The following AGMO variants were observed in gnomAD, a reference collection of about 807,000 sequenced individuals.
The protein encoded by AGMO is glyceryl-ether monooxygenase.
In AGMO, 75 loss-of-function variants were observed where a neutral mutation model predicts 60.2. That is an observed-to-expected ratio of 1.25 (90% CI 1.03 to 1.51). The LOEUF is 1.51. Among genes scored for constraint, AGMO ranks in the 40% most tolerant of loss-of-function variants. AGMO has a pLI of 0.00. For missense variants in AGMO, 763 were observed against 525.5 expected (o/e 1.45, Z -4.42); for synonymous variants, 261 against 177.1 (o/e 1.47, Z -3.76).
the AGMO span, among the ~76,000 whole-genome samples, chr7:15,148,748 G>C: frequency 6.6e-6 from 1 of 152,102 alleles, no homozygotes. Context: ...CTGATTCCAT[G>C]TCTTTGCTAT....
chr7:15,167,482 T>C, the AGMO span, among the ~76,000 whole-genome samples: 1 of 152,078 alleles, frequency 6.6e-6, no homozygotes, highest in Non-Finnish European at 1.5e-5. Flanking sequence ...AAAAACCAGG[T>C]GACTACATTA....
chr7:15,222,870 A>G (rs1468384662), intron 12 of AGMO, among the ~76,000 whole-genome samples: 1 of 152,012 alleles, frequency 6.6e-6, no homozygotes, highest in Non-Finnish European at 1.5e-5. Context: ...TTTCCCCAAC[A>G]TGCGTAACAA....
At chr7:15,257,506 T>C (rs1454089713) in intron 12 of AGMO, among the ~76,000 whole-genome samples, 21 of 152,214 alleles carry the variant, frequency 1.4e-4, no homozygotes, top group Admixed American at 1.4e-3. Context: ...TCAACTTTCC[T>C]AATTGTAAAT....
the AGMO span, among the ~76,000 whole-genome samples, chr7:15,165,889 G>A: frequency 5.3e-4 from 80 of 152,116 alleles, no homozygotes; most frequent in Middle Eastern, 6.8e-3. Flanking sequence ...ATTAATTGAA[G>A]AATTTATTGT....
chr7:15,513,790 G>T (rs1783738728), intron 3 of AGMO, among the ~76,000 whole-genome samples: 1 of 152,150 alleles, frequency 6.6e-6, no homozygotes, highest in Non-Finnish European at 1.5e-5. Flanking sequence ...ATTGCTAAAG[G>T]AGGAATCTCT....
At chr7:15,177,124 T>C in the AGMO span, among the ~76,000 whole-genome samples, 2 of 151,972 alleles carry the variant, frequency 1.3e-5, no homozygotes, top group Non-Finnish European at 2.9e-5. Flanking sequence ...TTTAAAAACA[T>C]TTTTTTTGGA....
At chr7:15,550,532 C>A (rs1214830135) in intron 2 of AGMO, among the ~76,000 whole-genome samples, 1 of 151,984 alleles carries the variant, frequency 6.6e-6, no homozygotes, top group Non-Finnish European at 1.5e-5. Flanking sequence ...GAGAATACTA[C>A]AAACACCTCT....
intron 12 of AGMO, among the ~76,000 whole-genome samples, chr7:15,347,438 A>G (rs1782073385): frequency 6.6e-6 from 1 of 152,102 alleles, no homozygotes; most frequent in Non-Finnish European, 1.5e-5. Flanking sequence ...TCTTTAATCC[A>G]TGATAGAAAG....
At chr7:15,265,022 G>C (rs1194790887) in intron 12 of AGMO, among the ~76,000 whole-genome samples, 1 of 151,970 alleles carries the variant, frequency 6.6e-6, no homozygotes, top group African/African-American at 2.4e-5. Context: ...CAAAGACATG[G>C]AATAAACCTA....
chr7:15,158,101 G>A, the AGMO span, among the ~76,000 whole-genome samples: 2 of 152,072 alleles, frequency 1.3e-5, no homozygotes, highest in African/African-American at 2.4e-5. Context: ...TATAATTGAG[G>A]ATGGATTATA....
intron 12 of AGMO, among the ~76,000 whole-genome samples, chr7:15,355,066 T>C (rs1323752677): frequency 2.6e-5 from 4 of 152,092 alleles, no homozygotes; most frequent in Non-Finnish European, 4.4e-5. Flanking sequence ...ACCATGGACA[T>C]AGATTTTCCA....
At chr7:15,341,624 G>C (rs1367146939) in intron 12 of AGMO, among the ~76,000 whole-genome samples, 2 of 152,032 alleles carry the variant, frequency 1.3e-5, no homozygotes, top group African/African-American at 4.8e-5. Flanking sequence ...ACATTTTCAG[G>C]TACTTTTACA....
intron 3 of AGMO, among the ~76,000 whole-genome samples, chr7:15,483,524 C>A (rs1204529981): frequency 6.6e-6 from 1 of 152,080 alleles, no homozygotes; most frequent in Non-Finnish European, 1.5e-5. Context: ...CGCGATAGAT[C>A]GTGCTACTGC....
intron 12 of AGMO, among the ~76,000 whole-genome samples, chr7:15,318,095 T>C (rs762114768): frequency 6.6e-6 from 1 of 151,490 alleles, no homozygotes; most frequent in Non-Finnish European, 1.5e-5. Flanking sequence ...AATCTCTGCC[T>C]CTGGGGTTCA....
At chr7:15,292,841 T>C (rs1224629400) in intron 12 of AGMO, among the ~76,000 whole-genome samples, 1 of 133,742 alleles carries the variant, frequency 7.5e-6, no homozygotes, top group African/African-American at 2.9e-5. Flanking sequence ...CACTGCAACC[T>C]CCGCCTCCCA....
chr7:15,522,359 T>G (rs186677124), intron 3 of AGMO, among the ~76,000 whole-genome samples: 1 of 152,262 alleles, frequency 6.6e-6, no homozygotes, highest in African/African-American at 2.4e-5. Context: ...ATTTTAAATT[T>G]CATATGGAAC....
intron 2 of AGMO, among the ~76,000 whole-genome samples, chr7:15,551,715 A>G (rs1784965850): frequency 6.6e-6 from 1 of 151,320 alleles, no homozygotes; most frequent in African/African-American, 2.4e-5. Flanking sequence ...GGTAGGAAGA[A>G]TCAATATCGT....
chr7:15,294,656 TA>T (rs1258399341), intron 12 of AGMO, among the ~76,000 whole-genome samples: 1 of 151,928 alleles, frequency 6.6e-6, no homozygotes, highest in Non-Finnish European at 1.5e-5. Context: ...CTGATTGCTT[TA>T]AAGGTGTTAA....
chr7:15,547,351 T>A (rs1305491069), intron 2 of AGMO, among the ~76,000 whole-genome samples: 1 of 152,142 alleles, frequency 6.6e-6, no homozygotes, highest in Non-Finnish European at 1.5e-5. Flanking sequence ...GGTCTACAGC[T>A]CCCAGCATGA....
Sources: allele counts gnomAD v4.1 joint callset (sites outside exome capture counted in the v4.1 genomes callset), GRCh38; gene constraint gnomAD v4.1.1; transcripts MANE v1.5; gene names NCBI Gene and HGNC (gene_info 2026-07-23, HGNC 2026-07-21).